CTNNA2: variants seen among roughly 807,000 people sequenced by gnomAD.
CTNNA2 encodes the protein catenin alpha 2.
In CTNNA2, 42 loss-of-function variants were observed where a neutral mutation model predicts 101.0. The observed-to-expected ratio is 0.42, with a 90% CI of 0.32 to 0.54. The LOEUF (loss-of-function observed/expected upper bound fraction) is 0.54, where lower values mean the gene tolerates loss of function less well. Ranked by LOEUF, CTNNA2 falls within the 20% of genes least tolerant of loss-of-function variation. The pLI is 0.14. For missense variants in CTNNA2, 871 were observed against 1,223.1 expected (o/e 0.71, Z 4.29); for synonymous variants, 450 against 456.4 (o/e 0.99, Z 0.18).
chr2:79,232,519 C>T (rs1674505411), intron 2 of CTNNA2, among the ~76,000 whole-genome samples: 2 of 152,056 alleles, frequency 1.3e-5, no homozygotes, highest in African/African-American at 4.8e-5. Context: ...TGTGTCTCTG[C>T]CATGTTTTGC....
At chr2:80,381,075 A>C (rs1676469124) in intron 7 of CTNNA2, among the ~76,000 whole-genome samples, 1 of 152,024 alleles carries the variant, frequency 6.6e-6, no homozygotes, top group African/African-American at 2.4e-5. Context: ...ACAGACTCCA[A>C]GCATGCTCAG....
intron 12 of CTNNA2, among the ~76,000 whole-genome samples, chr2:80,565,922 T>G (rs892308366): frequency 6.6e-6 from 1 of 152,126 alleles, no homozygotes; most frequent in South Asian, 2.1e-4. Context: ...CTTAAATTGG[T>G]TTAATAACGT....
chr2:80,061,257 G>A (rs1301648268), intron 7 of CTNNA2, among the ~76,000 whole-genome samples: 1 of 151,956 alleles, frequency 6.6e-6, no homozygotes, highest in Non-Finnish European at 1.5e-5. Context: ...ACAAAAACAA[G>A]AGGCAAAACT....
At chr2:79,467,394 C>T (rs1053187147) in intron 4 of CTNNA2, among the ~76,000 whole-genome samples, 9 of 152,168 alleles carry the variant, frequency 5.9e-5, no homozygotes, top group East Asian at 1.9e-4. Flanking sequence ...ACCAAATCTA[C>T]GTCTGATTGG....
At chr2:79,431,450 T>C (rs982672797) in intron 4 of CTNNA2, among the ~76,000 whole-genome samples, 97 of 152,058 alleles carry the variant, frequency 6.4e-4, no homozygotes, top group African/African-American at 2.3e-3. Flanking sequence ...AAATCTAGAC[T>C]AAAAGGGCAC....
intron 7 of CTNNA2, among the ~76,000 whole-genome samples, chr2:80,260,147 T>A (rs1053015201): frequency 1.3e-5 from 2 of 152,210 alleles, no homozygotes; most frequent in Non-Finnish European, 2.9e-5. Context: ...ATCTCAATTA[T>A]GTGGCAAATC....
chr2:80,340,701 C>G (rs1672149644), intron 7 of CTNNA2, among the ~76,000 whole-genome samples: 1 of 152,140 alleles, frequency 6.6e-6, no homozygotes, highest in Non-Finnish European at 1.5e-5. Context: ...CAATTATATA[C>G]AGGCTTTGGG....
intron 7 of CTNNA2, among the ~76,000 whole-genome samples, chr2:80,273,380 G>T (rs1333970005): frequency 1.3e-5 from 2 of 152,040 alleles, no homozygotes; most frequent in East Asian, 1.9e-4. Context: ...GCTGGTCCAG[G>T]ACACCATCAT....
intron 7 of CTNNA2, among the ~76,000 whole-genome samples, chr2:80,040,489 C>A (rs1449629549): frequency 1.3e-5 from 2 of 152,174 alleles, no homozygotes; most frequent in Non-Finnish European, 2.9e-5. Flanking sequence ...TTTGGCGATG[C>A]AGTTTTTAAA....
At chr2:79,780,141 C>T (rs4852519) in intron 3 of CTNNA2, among the ~76,000 whole-genome samples, 9,740 of 152,220 alleles carry the variant, frequency 0.064, 551 homozygotes, top group South Asian at 0.2. Flanking sequence ...CCACCTAGAA[C>T]TTGGAAGCCT....
chr2:79,405,909 A>G (rs1443501725), intron 4 of CTNNA2, among the ~76,000 whole-genome samples: 2 of 152,068 alleles, frequency 1.3e-5, no homozygotes, highest in Non-Finnish European at 1.5e-5. Flanking sequence ...TGGATGGGTC[A>G]TCTGTCTTTG....
At chr2:80,635,245 A>G (rs1353636820) in intron 18 of CTNNA2, among the ~76,000 whole-genome samples, 1 of 152,192 alleles carries the variant, frequency 6.6e-6, no homozygotes, top group Non-Finnish European at 1.5e-5. Flanking sequence ...AGCAGTGACC[A>G]GGAAAAAAGA....
intron 2 of CTNNA2, among the ~76,000 whole-genome samples, chr2:79,257,498 TAA>T (rs61173996): frequency 2.2e-5 from 3 of 136,922 alleles, no homozygotes; most frequent in African/African-American, 5.4e-5. Flanking sequence ...GAAAGTAGGT[TAA>T]AAAAAAAAAA....
At chr2:79,629,917 A>T (rs1679575688) in intron 1 of CTNNA2, among the ~76,000 whole-genome samples, 2 of 152,060 alleles carry the variant, frequency 1.3e-5, no homozygotes, top group Non-Finnish European at 2.9e-5. Context: ...TCACTTGCAA[A>T]CCAACAAATC....
At chr2:80,118,931 C>T (rs927758258) in intron 7 of CTNNA2, among the ~76,000 whole-genome samples, 7 of 152,222 alleles carry the variant, frequency 4.6e-5, no homozygotes, top group African/African-American at 1.7e-4. Context: ...CCTATCTCTT[C>T]TGTCTTGTAT....
At chr2:80,568,815 T>C (rs543591208) in intron 12 of CTNNA2, among the ~76,000 whole-genome samples, 54 of 152,254 alleles carry the variant, frequency 3.5e-4, no homozygotes, top group South Asian at 1.0e-3. Flanking sequence ...TTTGGAGATA[T>C]TGAAGTTAAA....
At chr2:80,555,943 T>G in intron 12 of CTNNA2, 50 bp downstream of exon 12, 1 of 1,211,220 alleles carries the variant, frequency 8.3e-7, no homozygotes, top group Non-Finnish European at 1.1e-6. Flanking sequence ...TTGATTAGTT[T>G]CTATAACTGA....
intron 8 of CTNNA2, among the ~76,000 whole-genome samples, chr2:80,398,455 A>C (rs1678243208): frequency 6.6e-6 from 1 of 152,132 alleles, no homozygotes; most frequent in Non-Finnish European, 1.5e-5. Context: ...TTTGGAGTCT[A>C]GGTCAGATTG....
chr2:79,922,642 C>CT (rs35186079), intron 7 of CTNNA2, among the ~76,000 whole-genome samples: 66,627 of 137,012 alleles, frequency 0.49, 16,143 homozygotes, highest in Non-Finnish European at 0.57. Flanking sequence ...CAGTTTTTTA[C>CT]TTTTTTTTTT....
Sources: allele counts gnomAD v4.1 joint callset (sites outside exome capture counted in the v4.1 genomes callset), GRCh38; gene constraint gnomAD v4.1.1; transcripts MANE v1.5; gene names NCBI Gene and HGNC (gene_info 2026-07-23, HGNC 2026-07-21).